Variants in PSD3 observed in about 807,000 individuals in gnomAD.
PSD3 encodes pleckstrin and Sec7 domain containing 3, also known as PH and SEC7 domain-containing protein 3.
In PSD3, 49 loss-of-function variants were observed where a neutral mutation model predicts 105.5. The ratio of observed to expected loss-of-function variants is 0.46; its 90% CI spans 0.37 to 0.59. PSD3 has a LOEUF of 0.59. Among genes scored for constraint, PSD3 ranks in the 20% least tolerant of loss-of-function variants. PSD3 has a pLI of 0.00. For missense variants in PSD3, 1,561 were observed against 1,263.8 expected (o/e 1.24, Z -3.57); for synonymous variants, 557 against 457.8 (o/e 1.22, Z -2.77).
chr8:18,770,239 T>C (rs1807389394), intron 8 of PSD3, among the ~76,000 whole-genome samples: 1 of 152,234 alleles, frequency 6.6e-6, no homozygotes, highest in Admixed American at 6.5e-5. Flanking sequence ...TCAGCTTTTT[T>C]TCATGTGCTA....
intron 15 of PSD3, among the ~76,000 whole-genome samples, chr8:18,551,415 C>CT (rs1456731812): frequency 1.4e-4 from 21 of 152,026 alleles, no homozygotes; most frequent in African/African-American, 4.3e-4. Context: ...AGAATGTATT[C>CT]TTTTTTTGCA....
At chr8:18,701,905 T>C (rs985634761) in intron 9 of PSD3, among the ~76,000 whole-genome samples, 2 of 152,238 alleles carry the variant, frequency 1.3e-5, no homozygotes, top group African/African-American at 4.8e-5. Flanking sequence ...ATATCACTGG[T>C]GTGAAATACT....
At chr8:18,789,428 T>C (rs1421764051) in intron 8 of PSD3, among the ~76,000 whole-genome samples, 1 of 152,214 alleles carries the variant, frequency 6.6e-6, no homozygotes, top group African/African-American at 2.4e-5. Flanking sequence ...AGTATGACTA[T>C]TATTCATAAA....
At chr8:18,958,766 A>T (rs1823731077) in intron 1 of PSD3, among the ~76,000 whole-genome samples, 2 of 152,238 alleles carry the variant, frequency 1.3e-5, no homozygotes, top group Admixed American at 6.5e-5. Context: ...TTATTATTTT[A>T]AAAATAACCT....
intron 1 of PSD3, among the ~76,000 whole-genome samples, chr8:19,024,236 CT>C (rs1323515135): frequency 6.6e-6 from 1 of 152,138 alleles, no homozygotes; most frequent in Non-Finnish European, 1.5e-5. Flanking sequence ...CACTTATAAT[CT>C]TTTTTCCCAA....
chr8:18,926,928 C>A (rs1821403731), intron 2 of PSD3, among the ~76,000 whole-genome samples: 1 of 152,072 alleles, frequency 6.6e-6, no homozygotes, highest in African/African-American at 2.4e-5. Flanking sequence ...AGTTTCAAGC[C>A]CCAGGTTGTT....
chr8:19,005,545 A>G (rs1393827755), intron 1 of PSD3, among the ~76,000 whole-genome samples: 1 of 151,954 alleles, frequency 6.6e-6, no homozygotes, highest in East Asian at 1.9e-4. Context: ...CAGCGATGCA[A>G]TCACGACACA....
intron 11 of PSD3, among the ~76,000 whole-genome samples, chr8:18,618,874 T>A (rs919617370): frequency 3.9e-5 from 6 of 152,016 alleles, no homozygotes; most frequent in Admixed American, 2.0e-4. Context: ...TTTGTAGAGA[T>A]GGGGTCTTAA....
chr8:18,970,309 A>G (rs1453011840), intron 1 of PSD3, among the ~76,000 whole-genome samples: 1 of 130,950 alleles, frequency 7.6e-6, no homozygotes, highest in Non-Finnish European at 1.6e-5. Context: ...TGGGCGACAG[A>G]GCAAGACTCT....
chr8:18,991,353 TAC>T (rs879892424), intron 1 of PSD3, among the ~76,000 whole-genome samples: 11,599 of 57,432 alleles, frequency 0.2, 672 homozygotes, highest in Middle Eastern at 0.36. Context: ...CACACACACA[TAC>T]ACACACACAC....
At chr8:18,755,913 G>C (rs560956462) in intron 9 of PSD3, among the ~76,000 whole-genome samples, 1 of 152,088 alleles carries the variant, frequency 6.6e-6, no homozygotes, top group Non-Finnish European at 1.5e-5. Flanking sequence ...GATCGAAAGC[G>C]AAAGCAGGCT....
At chr8:19,068,200 G>T (rs1829139622) in intron 1 of PSD3, among the ~76,000 whole-genome samples, 1 of 151,672 alleles carries the variant, frequency 6.6e-6, no homozygotes, top group South Asian at 2.1e-4. Flanking sequence ...CCTTAGCGAT[G>T]GTGGAATTGA....
Position 18,880,771 on chromosome 8 carries a change from G to A in PSD3, c.131-8038C>T, listed in dbSNP as rs114841977. Among the ~76,000 whole-genome samples the A allele has an allele frequency of 4.3e-3, 651 of 152,204 alleles. 3 individuals carry two copies. Among genetic ancestry groups the A allele is most frequent in the African/African-American group, 0.015 (625 of 41,516 alleles). ...CCACTGAAAACATTTCCCCTCCAGC[G>A]AGCCTTCCTGAATTAGTCCTACCTG... On this transcript the variant is annotated intron_variant, in intron 2 of 15. Transcript: ENST00000327040.
intron 11 of PSD3, among the ~76,000 whole-genome samples, chr8:18,619,262 C>A (rs1047447534): frequency 5.9e-5 from 9 of 152,084 alleles, no homozygotes; most frequent in African/African-American, 2.2e-4. Context: ...CAAGTTCAGG[C>A]CCGACTGACC....
intron 12 of PSD3, among the ~76,000 whole-genome samples, chr8:18,581,862 T>C (rs534720183): frequency 3.2e-4 from 48 of 152,308 alleles, no homozygotes; most frequent in Middle Eastern, 3.4e-3. Context: ...CTCCGTGGAT[T>C]TACTCTTTGC....
At chr8:18,905,231 TC>T (rs1176442702) in intron 2 of PSD3, among the ~76,000 whole-genome samples, 1 of 152,108 alleles carries the variant, frequency 6.6e-6, no homozygotes, top group Admixed American at 6.6e-5. Flanking sequence ...TTAAATTATT[TC>T]CCCCTCTCTA....
chr8:18,649,218 C>A lies in PSD3; in HGVS notation c.2216+6424G>T, dbSNP rs1397904297. Among the ~76,000 whole-genome samples, 3 of 152,176 alleles carry A rather than the reference C, an allele frequency of 2.0e-5. No individual in the cohort carries two copies. In the East Asian group the frequency reaches 5.8e-4, roughly 29 times the overall value. ...AAAGCCATAGGCACTCAACGCCAGC[C>A]CATGAGAGCAACCGCAGGGACTGAA... On this transcript the variant is annotated intron_variant, in intron 10 of 15. Coordinates refer to ENST00000327040, the MANE Select transcript of PSD3 (RefSeq NM_015310.4).
intron 8 of PSD3, among the ~76,000 whole-genome samples, chr8:18,773,146 T>C (rs1035414642): frequency 1.3e-5 from 2 of 152,212 alleles, no homozygotes; most frequent in African/African-American, 4.8e-5. Flanking sequence ...TTTTATAGTT[T>C]CAGGATTACA....
chr8:19,076,363 G>A (rs536254653), intron 1 of PSD3, among the ~76,000 whole-genome samples: 3 of 152,266 alleles, frequency 2.0e-5, no homozygotes, highest in Non-Finnish European at 2.9e-5. Context: ...AGAAAAGGAT[G>A]TTAGAGGTAG....
Sources: gnomAD v4.1 joint callset for allele counts (sites outside exome capture counted in the v4.1 genomes callset) on GRCh38, gnomAD v4.1.1 for gene constraint, MANE v1.5 for transcripts, NCBI Gene and HGNC (gene_info 2026-07-23, HGNC 2026-07-21) for gene names.